The following XXYLT1 variants were observed in gnomAD, a reference collection of about 807,000 sequenced individuals.
XXYLT1 encodes the protein UDP-xylose:alpha-xyloside alpha-1,3-xylosyltransferase.
In XXYLT1, 20 loss-of-function variants were observed where a neutral mutation model predicts 28.9. The ratio of observed to expected loss-of-function variants is 0.69; its 90% confidence interval spans 0.49 to 1.00. The LOEUF is 1.00. XXYLT1 is among the 50% of genes least tolerant of loss of function. The pLI is 0.00. For synonymous variants in XXYLT1, 257 were observed against 253.8 expected, an observed-to-expected ratio of 1.01 and a Z score of -0.12; for missense variants, 542 against 560.1, an observed-to-expected ratio of 0.97 and a Z score of 0.33.
intron 3 of XXYLT1, chr3:195,152,872 T>G (rs1030039533): frequency 6.6e-6 from 1 of 152,256 alleles, no homozygotes; most frequent in African/African-American, 2.4e-5. Flanking sequence ...GGTTTTGTGC[T>G]GTTTTGTGTT....
chr3:195,111,079 G>T (rs1560101919), intron 3 of XXYLT1, among the ~76,000 whole-genome samples: 1 of 152,058 alleles, frequency 6.6e-6, no homozygotes, highest in Admixed American at 6.6e-5. Flanking sequence ...GGCAGGGCTG[G>T]ATCCCTCTGA....
chr3:195,208,775 C>A (rs891188250), intron 2 of XXYLT1, among the ~76,000 whole-genome samples: 2 of 152,110 alleles, frequency 1.3e-5, no homozygotes, highest in African/African-American at 2.4e-5. Context: ...CACTTTCTCA[C>A]GGGGGAGCGA....
chr3:195,146,389 C>T (rs1719848919), intron 3 of XXYLT1, among the ~76,000 whole-genome samples: 1 of 152,240 alleles, frequency 6.6e-6, no homozygotes, highest in Admixed American at 6.5e-5. Context: ...AAACAGATTG[C>T]AGCAATGCAA....
Position 195,195,782 on chromosome 3 carries a change from C to T in XXYLT1, c.652+30927G>A, listed in dbSNP as rs1403909325. Among the ~76,000 whole-genome samples, 1 of 152,194 alleles carries T rather than the reference C, an allele frequency of 6.6e-6. No homozygotes were observed. Among genetic ancestry groups the T allele is most frequent in the African/African-American group, 2.4e-5 (1 of 41,440 alleles). On this transcript the variant is annotated intron_variant, in intron 2 of 3. Transcript: ENST00000310380. The surrounding 1 kb of genome is among the most constrained non-coding windows in gnomAD (Gnocchi z 4.4). The stretch of plus-strand genomic sequence containing the variant: ...CTGGAGCCCCTTCCAGCAGGCTCAC[C>T]CCTCTGGCCTGCAGGAGTTCAGCAC...
At chr3:195,123,274 C>G (rs1035656678) in intron 3 of XXYLT1, among the ~76,000 whole-genome samples, 1 of 152,076 alleles carries the variant, frequency 6.6e-6, no homozygotes, top group Non-Finnish European at 1.5e-5. Context: ...GGACAAATCC[C>G]CCCAGCACAG....
At chr3:195,155,781 C>T (rs763151540) in intron 3 of XXYLT1, among the ~76,000 whole-genome samples, 2 of 152,144 alleles carry the variant, frequency 1.3e-5, no homozygotes, top group Non-Finnish European at 2.9e-5. Flanking sequence ...CGCATGGAGC[C>T]GTTCCCTTTT....
intron 2 of XXYLT1, among the ~76,000 whole-genome samples, chr3:195,206,534 C>T (rs1203626946): frequency 6.6e-6 from 1 of 151,852 alleles, no homozygotes; most frequent in Non-Finnish European, 1.5e-5. Context: ...TTTGGGAGGT[C>T]GCGGTGGGAG....
chr3:195,134,887 G>A (rs1472363683), intron 3 of XXYLT1, among the ~76,000 whole-genome samples: 6 of 148,612 alleles, frequency 4.0e-5, no homozygotes, highest in African/African-American at 5.0e-5. Context: ...GCGCGTGCGC[G>A]CACGTGCAAA....
intron 1 of XXYLT1, among the ~76,000 whole-genome samples, chr3:195,267,258 G>A (rs970303757): frequency 2.0e-5 from 3 of 152,230 alleles, no homozygotes; most frequent in African/African-American, 4.8e-5. Context: ...CTGAAGGGAA[G>A]AGGAGCCCCC....
intron 1 of XXYLT1, among the ~76,000 whole-genome samples, chr3:195,238,563 T>C (rs541459887): frequency 2.2e-3 from 341 of 152,292 alleles, no homozygotes; most frequent in Non-Finnish European, 3.6e-3. Context: ...AACTGCACTT[T>C]GGGCAAGTAA....
intron 3 of XXYLT1, among the ~76,000 whole-genome samples, chr3:195,096,478 G>C (rs866333170): frequency 6.6e-6 from 1 of 152,122 alleles, no homozygotes; most frequent in Non-Finnish European, 1.5e-5. Context: ...ACACGTGTAC[G>C]TAACAGACGC....
Position 195,115,898 on chromosome 3 carries a change from G to A in XXYLT1, c.785+40551C>T, listed in dbSNP as rs1441356683. Among the ~76,000 whole-genome samples, 3 of 152,190 alleles carry A rather than the reference G, an allele frequency of 2.0e-5. No individual in the cohort carries two copies. Among genetic ancestry groups the A allele is most frequent in the Non-Finnish European group, 4.4e-5 (3 of 68,044 alleles). On this transcript the variant is annotated intron_variant, in intron 3 of 3. Transcript: ENST00000310380. The surrounding 1 kb of genome is among the most constrained non-coding windows in gnomAD (Gnocchi z 4.2). ...TCCTCAGGCTCAGGAGACAAAGACC[G>A]AGGACAGGTGACAGGGACAGTGATA...
chr3:195,154,543 C>T (rs549092274), intron 3 of XXYLT1, among the ~76,000 whole-genome samples: 9 of 152,162 alleles, frequency 5.9e-5, no homozygotes, highest in Non-Finnish European at 1.3e-4. Flanking sequence ...TCCACTGTTA[C>T]TTCATTTGAG....
intron 1 of XXYLT1, among the ~76,000 whole-genome samples, chr3:195,265,356 G>A (rs1216330494): frequency 6.7e-6 from 1 of 148,500 alleles, no homozygotes; most frequent in Non-Finnish European, 1.5e-5. Flanking sequence ...GACAGAACGA[G>A]ACTCCATCTC....
At chr3:195,264,484 G>A (rs1022888393) in intron 1 of XXYLT1, among the ~76,000 whole-genome samples, 5 of 152,176 alleles carry the variant, frequency 3.3e-5, no homozygotes, top group South Asian at 2.1e-4. Context: ...CTGGCCACCC[G>A]TGCACCACGG....
chr3:195,168,261 G>C lies in XXYLT1; in HGVS notation c.653-11680C>G, dbSNP rs934765200. 6.6e-6 allele frequency among the ~76,000 whole-genome samples: 1 copy of C among 152,148 alleles called. No individual in the cohort carries two copies. On this transcript the variant is annotated intron_variant, in intron 2 of 3. Coordinates refer to ENST00000310380, the MANE Select transcript of XXYLT1 (RefSeq NM_152531.5). The surrounding 1 kb of genome is among the most constrained non-coding windows in gnomAD (Gnocchi z 4.3). ...CCACCCTGTGATTCTGAACAGGAAT[G>C]GTCTTTGCCCCTCACTCATACCTTG...
At chr3:195,123,866 C>T (rs976152102) in intron 3 of XXYLT1, among the ~76,000 whole-genome samples, 2 of 152,192 alleles carry the variant, frequency 1.3e-5, no homozygotes, top group Non-Finnish European at 2.9e-5. Flanking sequence ...CTAATTCCAG[C>T]ACACAGAGCA....
chr3:195,111,247 C>G (rs1051719119), intron 3 of XXYLT1, among the ~76,000 whole-genome samples: 10 of 152,240 alleles, frequency 6.6e-5, no homozygotes, highest in African/African-American at 1.9e-4. Flanking sequence ...CCAAATTCCT[C>G]TTTTTATAAG....
In XXYLT1 at chr3:195,133,065, C is replaced by A. The variant is rs753373537; in HGVS notation, c.785+23384G>T. ...GCTTACAACATCATAAATAAAAAAC[C>A]CTGCTTGGGGTGGAGGTGGTGGGCA... is the stretch of plus-strand genomic sequence containing the variant. On this transcript the variant is annotated intron_variant, in intron 3 of 3. Coordinates refer to ENST00000310380, the MANE Select transcript of XXYLT1 (RefSeq NM_152531.5). The surrounding 1 kb of genome is among the most constrained non-coding windows in gnomAD (Gnocchi z 4.4). 7.9e-5 allele frequency among the ~76,000 whole-genome samples: 12 copies of A among 152,186 alleles called. No individual in the cohort carries two copies. The highest frequency in any genetic ancestry group is 1.6e-4 in the Non-Finnish European group (11 of 68,024).
Sources: gnomAD v4.1 joint callset for allele counts (sites outside exome capture counted in the v4.1 genomes callset) on GRCh38, gnomAD v4.1.1 for gene constraint, Gnocchi (gnomAD v3.1) non-coding constraint, MANE v1.5 for transcripts, NCBI Gene and HGNC (gene_info 2026-07-23, HGNC 2026-07-21) for gene names.